The following ZBTB47 variants were observed in gnomAD, a reference collection of about 807,000 sequenced individuals.
ZBTB47 encodes the protein zinc finger and BTB domain containing 47, also known as zinc finger and BTB domain-containing protein 47.
Under a neutral mutation model 56.6 loss-of-function variants are expected in ZBTB47, and 24 were observed. The observed-to-expected ratio is 0.42, with a 90% confidence interval of 0.31 to 0.60. ZBTB47 has a LOEUF of 0.60. Among genes scored for constraint, ZBTB47 ranks in the 20% least tolerant of loss-of-function variants. The probability of loss-of-function intolerance (pLI) is 0.14; values close to 1 mark genes in which losing one functional copy is unlikely to be tolerated. For missense variants in ZBTB47, 829 were observed against 1,032.6 expected, an observed-to-expected ratio of 0.80 and a Z score of 2.70; for synonymous variants, 414 against 418.9, an observed-to-expected ratio of 0.99 and a Z score of 0.14.
chr3:42,659,804 G>A lies in ZBTB47; in HGVS notation c.1449G>A (p.Gln483=). The A allele has an allele frequency of 6.2e-7, 1 of 1,610,046 alleles. No individual in the cohort carries two copies. The highest frequency in any genetic ancestry group is 1.7e-4 in the Middle Eastern group (1 of 6,042). Residue 483 remains glutamine, a synonymous_variant, in exon 2 of 6, where the codon CAG becomes CAA. Transcript: ENST00000232974. ...LLESELLLHR[Q]TDCERNIQCV... Reference sequence around the variant, plus strand: ...AGAGCGAGCTGCTGCTGCACAGGCAGACAGACTGCGAGCGCAACATCCAGG... The same window carrying A: ...AGAGCGAGCTGCTGCTGCACAGGCAAACAGACTGCGAGCGCAACATCCAGG...
rs1347158703 is a variant in ZBTB47 at position 42,654,794 on chromosome 3, G to T, written c.-82+911G>T. The T allele has an allele frequency of 1.3e-6, 1 of 759,736 alleles. No individual in the cohort carries two copies. The highest frequency in any genetic ancestry group is 1.6e-6 in the Non-Finnish European group (1 of 623,572). 47.1% of individuals were successfully genotyped at this position (759,736 alleles called of 1,614,324 possible). On this transcript the variant is annotated intron_variant, in intron 1 of 5. Transcript: ENST00000232974. The surrounding 1 kb of genome is among the most constrained non-coding windows in gnomAD (Gnocchi z 5.0). Reference sequence around the variant, plus strand: ...CGGGCCCGGGTGGAGGGGCTGGAGGGATCTTCCCCCCTCCCCCGGTCTCCC... The same window carrying T: ...CGGGCCCGGGTGGAGGGGCTGGAGGTATCTTCCCCCCTCCCCCGGTCTCCC...
chr3:42,661,932 C>T lies in ZBTB47; in HGVS notation c.1621+300C>T, dbSNP rs1346190923. ...ACCAGGCTGTGCATCCTGGCACGGG[C>T]TCGTGTCCACCCAGGGAAAAGAATA... On this transcript the variant is annotated intron_variant, in intron 3 of 5. Coordinates refer to ENST00000232974, the MANE Select transcript of ZBTB47 (RefSeq NM_145166.4). Among the ~76,000 whole-genome samples the T allele has an allele frequency of 2.6e-5, 4 of 152,246 alleles. No homozygotes were observed. The East Asian group carries it at 7.7e-4, about 29-fold the overall frequency.
intron 3 of ZBTB47, among the ~76,000 whole-genome samples, chr3:42,662,668 G>A (rs147016847): frequency 0.044 from 6,653 of 152,306 alleles, 234 homozygotes; most frequent in Middle Eastern, 0.078. Flanking sequence ...TGGGAAGCCA[G>A]TGGTCGGGCC....
In ZBTB47 at chr3:42,653,823, T is replaced by C. The variant is rs974937829; in HGVS notation, c.-142T>C. The C allele has an allele frequency of 6.6e-6, 1 of 152,384 alleles. No individual in the cohort carries two copies. 9.4% of individuals were successfully genotyped at this position (152,384 alleles called of 1,614,324 possible). On this transcript the variant is annotated 5_prime_UTR_variant, in exon 1 of 6. Coordinates refer to ENST00000232974, the MANE Select transcript of ZBTB47 (RefSeq NM_145166.4). ...ACCTTAGATGATTTGATCGCTGCGG[T>C]TGTAGTCCTGGGATTTAAATCTCCT...
intron 2 of ZBTB47, among the ~76,000 whole-genome samples, chr3:42,660,218 G>A (rs534627856): frequency 4.9e-4 from 74 of 152,350 alleles, no homozygotes; most frequent in African/African-American, 1.8e-3. Flanking sequence ...ACAAACACGG[G>A]GGCTGTAGGA....
chr3:42,660,170 C>T lies in ZBTB47; in HGVS notation c.1473+342C>T, dbSNP rs191045249. On this transcript the variant is annotated intron_variant, in intron 2 of 5. Coordinates refer to ENST00000232974, the MANE Select transcript of ZBTB47 (RefSeq NM_145166.4). ...TGTCTGAGCAGACAAGGCCAGAAGA[C>T]AGGCCACTCTGGGTGGGATGAGTCA... is the stretch of plus-strand genomic sequence containing the variant. 2.0e-3 allele frequency among the ~76,000 whole-genome samples: 301 copies of T among 152,356 alleles called. 1 individual carries two copies. Among genetic ancestry groups the T allele is most frequent in the Non-Finnish European group, 2.4e-3 (166 of 68,034 alleles).
Position 42,659,297 on chromosome 3 carries a change from GGAA to G in ZBTB47, c.948_950del (p.Glu319del), listed in dbSNP as rs777055793. 8.1e-6 allele frequency: 12 copies of G among 1,488,544 alleles called. No homozygotes were observed. Among genetic ancestry groups the G allele is most frequent in the Middle Eastern group, 2.1e-4 (1 of 4,866 alleles). 92.2% of individuals were successfully genotyped at this position (1,488,544 alleles called of 1,614,324 possible). A position where few individuals can be genotyped will look rare whatever the true frequency, so the allele number is the denominator to read the frequency against. ...AAGAGGGTGGCAGTCAGGGAGAAGA[GGAA>G]GAAGAGGAGGAGGACGGGCACAGTG... On this transcript the variant is annotated inframe_deletion, in exon 2 of 6. Coordinates refer to ENST00000232974, the MANE Select transcript of ZBTB47 (RefSeq NM_145166.4).
rs1366748073 is a variant in ZBTB47 at position 42,654,353 on chromosome 3, C to G, written c.-82+470C>G. On this transcript the variant is annotated intron_variant, in intron 1 of 5. Coordinates refer to ENST00000232974, the MANE Select transcript of ZBTB47 (RefSeq NM_145166.4). This position sits in a 1 kb window ranked among gnomAD's most constrained non-coding sequence, Gnocchi z 5.0. ...GCAGCCTGCGGCAGGGCGGGCTGCA[C>G]GGGGACCGCGCACACCACGCGTGTC... The G allele has an allele frequency of 6.6e-6, 1 of 151,136 alleles. No individual in the cohort carries two copies. Among genetic ancestry groups the G allele is most frequent in the Non-Finnish European group, 1.5e-5 (1 of 67,482 alleles). The allele number at this position is 151,136 out of a possible 1,614,324, so 9.4% of individuals were successfully genotyped here.
intron 2 of ZBTB47, among the ~76,000 whole-genome samples, chr3:42,660,505 G>C (rs1559607566): frequency 6.6e-6 from 1 of 152,208 alleles, no homozygotes; most frequent in Non-Finnish European, 1.5e-5. Flanking sequence ...GCTGGGCCTT[G>C]AGCCAGCCTG....
Position 42,659,184 on chromosome 3 carries a change from G to T in ZBTB47, c.829G>T (p.Asp277Tyr). 1 of 1,525,086 alleles carries T rather than the reference G, an allele frequency of 6.6e-7. No individual in the cohort carries two copies. Among genetic ancestry groups the T allele is most frequent in the Non-Finnish European group, 8.8e-7 (1 of 1,141,018 alleles). The allele number at this position is 1,525,086 out of a possible 1,614,324, so 94.5% of individuals were successfully genotyped here. ...GREDGLQRHS[D>Y]EEEEDDEEEE... is the part of the protein sequence containing the mutation. ...GGAGGACGGGCTGCAGAGACACTCG[G>T]ACGAGGAGGAGGAGGACGACGAGGA... Residue 277 changes from aspartate (D) to tyrosine (Y), a missense_variant, in exon 2 of 6, where the codon GAC becomes TAC. Physicochemically the swap from Asp to Tyr is radical, Grantham distance 160 (BLOSUM62 -3). This residue lies in a region of ZBTB47 where 359 missense variants were observed against 359.8 expected (regional missense o/e 1.00). Coordinates refer to ENST00000232974, the MANE Select transcript of ZBTB47 (RefSeq NM_145166.4).
intron 1 of ZBTB47, among the ~76,000 whole-genome samples, chr3:42,657,145 T>C (rs1404874991): frequency 6.6e-6 from 1 of 152,184 alleles, no homozygotes; most frequent in Non-Finnish European, 1.5e-5. Context: ...GCCCACCTTT[T>C]GGGGAGGCTG....
chr3:42,662,058 T>C (rs755388154), intron 3 of ZBTB47, among the ~76,000 whole-genome samples: 3 of 152,218 alleles, frequency 2.0e-5, no homozygotes, highest in Non-Finnish European at 4.4e-5. Context: ...CTGGTCCTCA[T>C]AGGGCTTCAG....
At position 42,663,627 on chromosome 3, in the gene ZBTB47, T is replaced by C. The variant is rs761725012; in HGVS notation, c.1738-170T>C. 3.9e-5 allele frequency among the ~76,000 whole-genome samples: 6 copies of C among 152,042 alleles called. No individual in the cohort carries two copies. The highest frequency in any genetic ancestry group is 2.1e-4 in the South Asian group (1 of 4,822). On this transcript the variant is annotated intron_variant, in intron 4 of 5. Coordinates refer to ENST00000232974, the MANE Select transcript of ZBTB47 (RefSeq NM_145166.4). The surrounding 1 kb of genome is among the most constrained non-coding windows in gnomAD (Gnocchi z 5.1). Reference sequence around the variant, plus strand: ...CTTGTGGCCTCTCCTCTTGTGCCCATGTACTGCCCACCCAGATGCACCTCG... The same window carrying C: ...CTTGTGGCCTCTCCTCTTGTGCCCACGTACTGCCCACCCAGATGCACCTCG...
upstream of ZBTB47, among the ~76,000 whole-genome samples, chr3:42,653,377 G>C (rs955274048): frequency 6.6e-6 from 1 of 152,318 alleles, no homozygotes; most frequent in African/African-American, 2.4e-5. Flanking sequence ...GTAAACACAA[G>C]CGCACATATG....
rs916606611 is a variant in ZBTB47 at position 42,667,492 on chromosome 3, G to C, written c.*2894G>C. Among the ~76,000 whole-genome samples the C allele has an allele frequency of 2.0e-5, 3 of 152,254 alleles. No individual in the cohort carries two copies. Among genetic ancestry groups the C allele is most frequent in the Non-Finnish European group, 2.9e-5 (2 of 68,042 alleles). ...GTGTTGAGACCATTGACAACTGCTC[G>C]TGTACAGGCACCCCACAGCCCCAGA... On this transcript the variant is annotated 3_prime_UTR_variant, in exon 6 of 6. Coordinates refer to ENST00000232974, the MANE Select transcript of ZBTB47 (RefSeq NM_145166.4).
At chr3:42,655,150 C>A (rs560015635) in intron 1 of ZBTB47, among the ~76,000 whole-genome samples, 104 of 152,326 alleles carry the variant, frequency 6.8e-4, no homozygotes, top group African/African-American at 2.3e-3. Context: ...TGGGCAGATC[C>A]CCCGCCCTCT....
rs339725 is a variant in ZBTB47, at chr3:42,656,113, G to C, written c.-81-2162G>C. Among the ~76,000 whole-genome samples, 70,531 of 152,062 alleles carry C rather than the reference G, an allele frequency of 0.46. 18,958 individuals are homozygous for C. The highest frequency in any genetic ancestry group is 0.74 in the African/African-American group (30,792 of 41,500). ...CTTATCCAAGCCACTTCTCCTGCCA[G>C]TCTTTGGCCCCTGGAGGCCCTAAGG... is the stretch of plus-strand genomic sequence containing the variant. On this transcript the variant is annotated intron_variant, in intron 1 of 5. Coordinates refer to ENST00000232974, the MANE Select transcript of ZBTB47 (RefSeq NM_145166.4). The surrounding 1 kb of genome is among the most constrained non-coding windows in gnomAD (Gnocchi z 5.8).
chr3:42,654,578 C>T lies in ZBTB47; in HGVS notation c.-82+695C>T, dbSNP rs928631423. 6.1e-6 allele frequency: 4 copies of T among 655,074 alleles called. No individual in the cohort carries two copies. The highest frequency in any genetic ancestry group is 4.0e-5 in the African/African-American group (2 of 50,558). 40.6% of individuals were successfully genotyped at this position (655,074 alleles called of 1,614,324 possible). A position where few individuals can be genotyped will look rare whatever the true frequency, so the allele number is the denominator to read the frequency against. On this transcript the variant is annotated intron_variant, in intron 1 of 5. Coordinates refer to ENST00000232974, the MANE Select transcript of ZBTB47 (RefSeq NM_145166.4). The surrounding 1 kb of genome is among the most constrained non-coding windows in gnomAD (Gnocchi z 5.0). ...GCCGCGCCCCCGGGGGCCATGGTCGCGGGGCCCTGCGCGGGGGCGGCCCCC... is the reference window on the plus strand; with the variant it reads ...GCCGCGCCCCCGGGGGCCATGGTCGTGGGGCCCTGCGCGGGGGCGGCCCCC...
chr3:42,663,975 G>A lies in ZBTB47; in HGVS notation c.1882+34G>A, dbSNP rs1443470762. 9 of 1,588,968 alleles carry A rather than the reference G, an allele frequency of 5.7e-6. No individual in the cohort carries two copies. The highest frequency in any genetic ancestry group is 1.3e-5 in the African/African-American group (1 of 74,534). Reference sequence around the variant, plus strand: ...GCCCCTGGGGACGGAGCTCGGTGCCGGGCCTGGGACCCCTTCTCAGCCCCG... The same window carrying A: ...GCCCCTGGGGACGGAGCTCGGTGCCAGGCCTGGGACCCCTTCTCAGCCCCG... On this transcript the variant is annotated intron_variant, in intron 5 of 5. Coordinates refer to ENST00000232974, the MANE Select transcript of ZBTB47 (RefSeq NM_145166.4). The surrounding 1 kb of genome is among the most constrained non-coding windows in gnomAD (Gnocchi z 5.1).
Sources: allele counts gnomAD v4.1 joint callset (sites outside exome capture counted in the v4.1 genomes callset), GRCh38; gene constraint gnomAD v4.1.1; regional missense constraint gnomAD v4.1.1; non-coding constraint Gnocchi (gnomAD v3.1); transcripts MANE v1.5; gene names NCBI Gene and HGNC (gene_info 2026-07-23, HGNC 2026-07-21).